AMELY: variants seen among roughly 807,000 people sequenced by gnomAD.
AMELY encodes amelogenin, Y isoform.
AMELY carries 4 observed loss-of-function variants against 4.2 expected under a neutral mutation model. The ratio of observed to expected loss-of-function variants is 0.96; its 90% CI spans 0.47 to 2.19. AMELY has a LOEUF of 2.19. Among genes scored for constraint, AMELY ranks in the 30% most tolerant of loss-of-function variants. AMELY has a pLI of 0.02. For missense variants in AMELY, 32 were observed against 41.5 expected (o/e 0.77, Z 0.63); for synonymous variants, 11 against 14.7 (o/e 0.75, Z 0.57).
chrY:6,868,468 G>T lies in AMELY; in HGVS notation c.148-6C>A. The T allele has an allele frequency of 2.5e-6, 1 of 397,940 alleles. No homozygotes were observed. The highest frequency in any genetic ancestry group is 3.5e-6 in the Non-Finnish European group (1 of 283,324). ...TCGTAACCATAGGAAGAGTACTGGT[G>T]AGAAACAGAGATGCAGGTTTACCAT... is the stretch of plus-strand genomic sequence containing the variant. On this transcript the variant is annotated splice_region_variant and splice_polypyrimidine_tract_variant and intron_variant, in intron 5 of 6. Transcript: ENST00000651267.
intron 1 of AMELY, among the ~76,000 whole-genome samples, chrY:6,906,292 A>C (rs928858718): frequency 3.3e-4 from 11 of 33,498 alleles, no homozygotes; most frequent in Non-Finnish European, 7.3e-5. Context: ...ATATATGTAG[A>C]ATAATATATA....
intron 1 of AMELY, among the ~76,000 whole-genome samples, chrY:6,885,652 T>G: frequency 2.9e-5 from 1 of 34,394 alleles, no homozygotes; most frequent in African/African-American, 1.1e-4. Flanking sequence ...GCAGATTGGA[T>G]AAAGAATATG....
At chrY:6,899,575 A>G in intron 1 of AMELY, among the ~76,000 whole-genome samples, 6 of 31,105 alleles carry the variant, frequency 1.9e-4, no homozygotes, top group Non-Finnish European at 4.6e-4. Flanking sequence ...AAAAAAAAAA[A>G]ATACAAAATT....
chrY:6,866,763 C>G, intron 6 of AMELY, among the ~76,000 whole-genome samples: 1 of 29,345 alleles, frequency 3.4e-5, no homozygotes, highest in Non-Finnish European at 8.0e-5. Flanking sequence ...GCTGCCTCAG[C>G]CTCCCTTGTA....
At chrY:6,885,392 A>G (rs367912965) in intron 1 of AMELY, among the ~76,000 whole-genome samples, 140 of 34,156 alleles carry the variant, frequency 4.1e-3, no homozygotes, top group African/African-American at 0.015. Context: ...GGAGAATGGC[A>G]TGAGCCCAGG....
intron 4 of AMELY, among the ~76,000 whole-genome samples, chrY:6,869,687 A>T (rs2054065993): frequency 5.9e-5 from 2 of 33,746 alleles, no homozygotes; most frequent in African/African-American, 1.2e-4. Context: ...GATGGGATAG[A>T]ACCAAGCTGG....
chrY:6,886,874 G>A (rs2054080409), intron 1 of AMELY, among the ~76,000 whole-genome samples: 2 of 33,015 alleles, frequency 6.1e-5, no homozygotes, highest in Non-Finnish European at 1.5e-4. Flanking sequence ...ACAAATATAC[G>A]TTCAATGAAT....
intron 1 of AMELY, among the ~76,000 whole-genome samples, chrY:6,874,444 C>T (rs2054070603): frequency 3.0e-5 from 1 of 33,457 alleles, no homozygotes. Context: ...TTCAGAAAAG[C>T]GCCAAAAGTC....
At chrY:6,885,265 G>A (rs534320345) in intron 1 of AMELY, among the ~76,000 whole-genome samples, 1,323 of 33,534 alleles carry the variant, frequency 0.039, no homozygotes, top group Middle Eastern at 0.2. Flanking sequence ...GGATCACGAG[G>A]TCAGGAGATC....
chrY:6,902,633 C>G (rs2054090040), intron 1 of AMELY, among the ~76,000 whole-genome samples: 1 of 31,943 alleles, frequency 3.1e-5, no homozygotes, highest in African/African-American at 1.2e-4. Context: ...TCATTTCAAC[C>G]TCCGCCTCCC....
intron 1 of AMELY, among the ~76,000 whole-genome samples, chrY:6,884,446 T>C: frequency 3.1e-5 from 1 of 32,397 alleles, no homozygotes; most frequent in Non-Finnish European, 7.5e-5. Context: ...AGTAAATAAA[T>C]AATAAATAAA....
At chrY:6,885,294 T>C in intron 1 of AMELY, among the ~76,000 whole-genome samples, 1 of 33,266 alleles carries the variant, frequency 3.0e-5, no homozygotes, top group Non-Finnish European at 7.4e-5. Context: ...CCTAACACAG[T>C]GAAACCCCGT....
rs2071394 is a variant in AMELY at position 6,868,113 on chromosome Y, C to T, written c.497G>A (p.Arg166Gln). 2.1e-3 allele frequency: 833 copies of T among 394,079 alleles called. No individual in the cohort carries two copies. In the East Asian group the frequency reaches 0.077, roughly 36 times the overall value. The stretch of plus-strand genomic sequence containing the variant: ...ATCAGGAAGTATGGGGGGCAGGGGC[C>T]GCAGGGGGAACATTGGAGGCAGAGG... ...QPPLPPMFPL[R>Q]PLPPILPDLH... Residue 166 changes from arginine to glutamine, a missense_variant, in exon 6 of 7, where the codon CGG (arginine) becomes CAG (glutamine). By Grantham distance (43) the Arg-to-Gln change is conservative. Coordinates refer to ENST00000651267, the MANE Select transcript of AMELY (RefSeq NM_001143.2).
chrY:6,881,524 A>C, intron 1 of AMELY, among the ~76,000 whole-genome samples: 1 of 33,385 alleles, frequency 3.0e-5, no homozygotes, highest in African/African-American at 1.2e-4. Context: ...ATTCCCTTTT[A>C]AAACTGGCAC....
chrY:6,901,979 A>T, intron 1 of AMELY, among the ~76,000 whole-genome samples: 1 of 33,071 alleles, frequency 3.0e-5, no homozygotes, highest in African/African-American at 1.2e-4. Flanking sequence ...CCTTCAATCC[A>T]GTCAAGTTGA....
At chrY:6,907,216 A>G in intron 1 of AMELY, among the ~76,000 whole-genome samples, 1 of 32,469 alleles carries the variant, frequency 3.1e-5, no homozygotes, top group South Asian at 7.0e-4. Context: ...ATAGAAAACA[A>G]AACAAACAAA....
intron 1 of AMELY, among the ~76,000 whole-genome samples, chrY:6,883,613 G>T (rs909782325): frequency 3.0e-5 from 1 of 32,888 alleles, no homozygotes; most frequent in African/African-American, 1.2e-4. Flanking sequence ...AAAAGCTGAT[G>T]AAGTGAGGGA....
chrY:6,891,368 C>A (rs2054082851), intron 1 of AMELY, among the ~76,000 whole-genome samples: 1 of 33,844 alleles, frequency 3.0e-5, no homozygotes, highest in African/African-American at 1.2e-4. Flanking sequence ...CGAGTGCATG[C>A]AGCCCCATCG....
intron 1 of AMELY, among the ~76,000 whole-genome samples, chrY:6,880,649 G>A: frequency 1.8e-4 from 6 of 32,928 alleles, no homozygotes; most frequent in Admixed American, 5.7e-4. Flanking sequence ...CTGTGACTCC[G>A]TCTGACCCTG....
Sources: gnomAD v4.1 joint callset for allele counts (sites outside exome capture counted in the v4.1 genomes callset) on GRCh38, gnomAD v4.1.1 for gene constraint, MANE v1.5 for transcripts, NCBI Gene and HGNC (gene_info 2026-07-23, HGNC 2026-07-21) for gene names.